LDB1: variants seen among roughly 807,000 people sequenced by gnomAD.
LDB1 encodes LIM domain binding 1.
A neutral mutation model predicts 49.7 loss-of-function variants in LDB1; 6 were observed. That is an observed-to-expected ratio of 0.12 (90% CI 0.07 to 0.24). The LOEUF is 0.24. Ranked by LOEUF, LDB1 falls within the 10% of genes least tolerant of loss-of-function variation. LDB1 has a pLI of 1.00. For synonymous variants in LDB1, 233 were observed against 202.0 expected (o/e 1.15, Z -1.30); for missense variants, 341 against 561.7 (o/e 0.61, Z 3.97).
At chr10:102,112,393 G>A (rs994649716) in intron 1 of LDB1, among the ~76,000 whole-genome samples, 2 of 152,154 alleles carry the variant, frequency 1.3e-5, no homozygotes, top group Non-Finnish European at 2.9e-5. Flanking sequence ...TCTACCATCT[G>A]ACCCCTCTAT....
intron 1 of LDB1, among the ~76,000 whole-genome samples, chr10:102,115,751 T>C (rs1047291530): frequency 2.0e-5 from 3 of 152,138 alleles, no homozygotes; most frequent in Non-Finnish European, 2.9e-5. Context: ...GTGTGGTTAG[T>C]GGATAGGACC....
chr10:102,102,131 G>A (rs532667100), downstream of LDB1, among the ~76,000 whole-genome samples: 2 of 152,224 alleles, frequency 1.3e-5, no homozygotes, highest in South Asian at 4.1e-4. Flanking sequence ...CACCATGTTG[G>A]CCAGGTGGGT....
rs1303271972 is a variant in LDB1 at position 102,117,895 on chromosome 10, G to A, written c.25+2191C>T. On this transcript the variant is annotated intron_variant, in intron 1 of 10. Coordinates refer to ENST00000673968, the MANE Select transcript of LDB1 (RefSeq NM_001113407.3). This position sits in a 1 kb window ranked among gnomAD's most constrained non-coding sequence, Gnocchi z 4.2. ...TCTTGTGGTGCTTCTGCGTGTGCAT[G>A]TGTGTGGGTCTGTGTGCGCTCTGGC... Among the ~76,000 whole-genome samples the A allele has an allele frequency of 1.3e-5, 2 of 152,176 alleles. No individual in the cohort carries two copies. Among genetic ancestry groups the A allele is most frequent in the African/African-American group, 2.4e-5 (1 of 41,434 alleles).
downstream of LDB1, among the ~76,000 whole-genome samples, chr10:102,104,293 A>G (rs1271944706): frequency 1.3e-5 from 2 of 152,170 alleles, no homozygotes; most frequent in Non-Finnish European, 2.9e-5. Flanking sequence ...GTACATGGTC[A>G]GACTATCCGA....
In LDB1 at chr10:102,117,097, A is replaced by G. The variant is rs79851135; in HGVS notation, c.25+2989T>C. ...GCCATTCCTACTCCCTTCCCCCTCC[A>G]GGCCTCAAATCACTGTCCTCATGGG... On this transcript the variant is annotated intron_variant, in intron 1 of 10. Coordinates refer to ENST00000673968, the MANE Select transcript of LDB1 (RefSeq NM_001113407.3). The surrounding 1 kb of genome is among the most constrained non-coding windows in gnomAD (Gnocchi z 4.2). Among the ~76,000 whole-genome samples, 1,167 of 152,144 alleles carry G rather than the reference A, an allele frequency of 7.7e-3. 20 individuals carry two copies. Among genetic ancestry groups the G allele is most frequent in the African/African-American group, 0.027 (1,113 of 41,502 alleles).
chr10:102,109,873 C>T lies in LDB1; in HGVS notation c.648+48G>A. 2 of 1,591,804 alleles carry T rather than the reference C, an allele frequency of 1.3e-6. No individual in the cohort carries two copies. The highest frequency in any genetic ancestry group is 1.7e-6 in the Non-Finnish European group (2 of 1,169,086). On this transcript the variant is annotated intron_variant, in intron 7 of 10. Transcript: ENST00000673968. This position sits in a 1 kb window ranked among gnomAD's most constrained non-coding sequence, Gnocchi z 5.8. The stretch of plus-strand genomic sequence containing the variant: ...AAATGGCAGACCTTGTTCCACCCTT[C>T]CCCCGCCTGCCTTCACTCTTGCATC...
chr10:102,111,528 A>G lies in LDB1; in HGVS notation c.34T>C (p.Ser12Pro). 7.8e-6 allele frequency: 12 copies of G among 1,530,610 alleles called. No homozygotes were observed. Among genetic ancestry groups the G allele is most frequent in the Non-Finnish European group, 1.1e-5 (12 of 1,140,020 alleles). The allele number at this position is 1,530,610 out of a possible 1,614,324, so 94.8% of individuals were successfully genotyped here. A position where few individuals can be genotyped will look rare whatever the true frequency, so the allele number is the denominator to read the frequency against. The change falls in exon 2 of 11, where the codon TCA (serine) becomes CCA (proline). Residue 12 changes from serine to proline, a missense_variant. Physicochemically the swap from Ser to Pro is moderately conservative, Grantham distance 74. Around this residue, in one of 5 missense-constraint regions of LDB1, gnomAD observed 7 missense variants for 24.9 expected, o/e 0.28. Coordinates refer to ENST00000673968, the MANE Select transcript of LDB1 (RefSeq NM_001113407.3). ...SVGCACPGCSSKSFKLYSPKE... is the reference protein window; with the variant it reads ...SVGCACPGCSPKSFKLYSPKE... ...GGCGAGTACAGCTTGAATGACTTTGAGGAACAACCTAGACGAGAAAGAAAG... is the reference window on the plus strand; with the variant it reads ...GGCGAGTACAGCTTGAATGACTTTGGGGAACAACCTAGACGAGAAAGAAAG...
At position 102,111,415 on chromosome 10, in the gene LDB1, G is replaced by A. The variant is rs781515605; in HGVS notation, c.128+19C>T. On this transcript the variant is annotated intron_variant, in intron 2 of 10. Coordinates refer to ENST00000673968, the MANE Select transcript of LDB1 (RefSeq NM_001113407.3). ...CCCACCTGGAGAAGGGTTAGGAAGTGGCCAAGAGACTCACTTACCCCACAT... is the reference window on the plus strand; with the variant it reads ...CCCACCTGGAGAAGGGTTAGGAAGTAGCCAAGAGACTCACTTACCCCACAT... 1 of 1,597,660 alleles carries A rather than the reference G, an allele frequency of 6.3e-7. No homozygotes were observed. Among genetic ancestry groups the A allele is most frequent in the South Asian group, 1.1e-5 (1 of 89,648 alleles).
chr10:102,114,947 TTTCTCTCC>T lies in LDB1; in HGVS notation c.26-3419_26-3412del, dbSNP rs535072330. 293 of 571,320 alleles carry T rather than the reference TTTCTCTCC, an allele frequency of 5.1e-4. 2 individuals are homozygous for T. The Admixed American group carries it at 0.016, about 32-fold the overall frequency. 35.4% of individuals were successfully genotyped at this position (571,320 alleles called of 1,614,324 possible). A position where few individuals can be genotyped will look rare whatever the true frequency, so the allele number is the denominator to read the frequency against. ...CCCGCCGGCTGCCTGCCTTTCTCCC[TTTCTCTCC>T]CTGCCTCCCTCCCTCCCCGCTCGCT... On this transcript the variant is annotated intron_variant, in intron 1 of 10. Coordinates refer to ENST00000673968, the MANE Select transcript of LDB1 (RefSeq NM_001113407.3).
Position 102,110,718 on chromosome 10 carries a change from A to C in LDB1, c.353-17T>G. On this transcript the variant is annotated splice_polypyrimidine_tract_variant and intron_variant, in intron 5 of 10. Transcript: ENST00000673968. ...GGCCAATGGCTGTAGAGATGGGACAAACTCTTCAGGACAAAGGGACCGCAA... is the reference window on the plus strand; with the variant it reads ...GGCCAATGGCTGTAGAGATGGGACACACTCTTCAGGACAAAGGGACCGCAA... 6.2e-7 allele frequency: 1 copy of C among 1,609,492 alleles called. No individual in the cohort carries two copies. Among genetic ancestry groups the C allele is most frequent in the South Asian group, 1.1e-5 (1 of 90,570 alleles).
chr10:102,113,777 A>C (rs892368055), intron 1 of LDB1, among the ~76,000 whole-genome samples: 3 of 151,896 alleles, frequency 2.0e-5, no homozygotes, highest in Non-Finnish European at 2.9e-5. Flanking sequence ...AAAAAAAAAA[A>C]ACTCTCAGAG....
chr10:102,108,814 A>G (rs576797378), intron 10 of LDB1, among the ~76,000 whole-genome samples: 1 of 152,260 alleles, frequency 6.6e-6, no homozygotes, highest in African/African-American at 2.4e-5. Flanking sequence ...CTGTCCCTTT[A>G]TGCCCTAGCT....
chr10:102,120,903 G>T (rs567658869), upstream of LDB1, among the ~76,000 whole-genome samples: 1 of 152,156 alleles, frequency 6.6e-6, no homozygotes, highest in African/African-American at 2.4e-5. Context: ...CCCCCTGTCC[G>T]TGCTCCCTGC....
chr10:102,105,438 G>A (rs752872091), downstream of LDB1, among the ~76,000 whole-genome samples: 23 of 152,128 alleles, frequency 1.5e-4, no homozygotes, highest in Admixed American at 5.9e-4. Flanking sequence ...CCAGTCTATC[G>A]GGCTTTATTT....
chr10:102,108,040 CTG>C lies in LDB1; in HGVS notation c.*51_*52del. ...TCATTCTGTCTTCTGCTCCCTGGGG[CTG>C]TGAGGGGTGGGGCAGGTAGGCAGAG... On this transcript the variant is annotated 3_prime_UTR_variant, in exon 11 of 11. Coordinates refer to ENST00000673968, the MANE Select transcript of LDB1 (RefSeq NM_001113407.3). 1 of 1,336,098 alleles carries C rather than the reference CTG, an allele frequency of 7.5e-7. No homozygotes were observed. The highest frequency in any genetic ancestry group is 1.1e-6 in the Non-Finnish European group (1 of 932,090). The allele number at this position is 1,336,098 out of a possible 1,614,324, so 82.8% of individuals were successfully genotyped here.
In LDB1 at chr10:102,107,770, T is replaced by G; in HGVS notation, c.*323A>C. The G allele has an allele frequency of 2.5e-6, 1 of 397,024 alleles. No individual in the cohort carries two copies. Among genetic ancestry groups the G allele is most frequent in the South Asian group, 2.7e-5 (1 of 36,876 alleles). 24.6% of individuals were successfully genotyped at this position (397,024 alleles called of 1,614,324 possible). A position where few individuals can be genotyped will look rare whatever the true frequency, so the allele number is the denominator to read the frequency against. On this transcript the variant is annotated 3_prime_UTR_variant, in exon 11 of 11. Transcript: ENST00000673968. ...CTTGAAAGGGGTAAAGTCAGGGGGA[T>G]GGGAAACCCACAATCTGGGGTGAAG...
chr10:102,115,731 A>G (rs2068327836), intron 1 of LDB1, among the ~76,000 whole-genome samples: 1 of 150,966 alleles, frequency 6.6e-6, no homozygotes, highest in Non-Finnish European at 1.5e-5. Flanking sequence ...ACCACCCCAG[A>G]AAAAAAAACG....
At chr10:102,120,015 CA>C in intron 1 of LDB1, 70 bp downstream of exon 1, 2 of 1,267,782 alleles carry the variant, frequency 1.6e-6, no homozygotes, top group Non-Finnish European at 2.1e-6. Context: ...AAGTTCTCGC[CA>C]AACACGGGGT....
Position 102,106,581 on chromosome 10 carries a change from A to C in LDB1, c.*1512T>G, listed in dbSNP as rs1327768424. On this transcript the variant is annotated 3_prime_UTR_variant, in exon 11 of 11. Transcript: ENST00000673968. ...AAAAAAAAAAAAAAAAAAAAAAAAA[A>C]AAAGGCATTACAGTTGGGATGGGAT... 7.8e-6 allele frequency among the ~76,000 whole-genome samples: 1 copy of C among 128,034 alleles called. No homozygotes were observed. Among genetic ancestry groups the C allele is most frequent in the African/African-American group, 3.1e-5 (1 of 32,656 alleles). The allele number at this position is 128,034 out of a possible 152,430, so 84.0% of individuals were successfully genotyped here. A position where few individuals can be genotyped will look rare whatever the true frequency, so the allele number is the denominator to read the frequency against.
Sources: gnomAD v4.1 joint callset for allele counts (sites outside exome capture counted in the v4.1 genomes callset) on GRCh38, gnomAD v4.1.1 for gene constraint, gnomAD v4.1.1 regional missense constraint, Gnocchi (gnomAD v3.1) non-coding constraint, MANE v1.5 for transcripts, NCBI Gene and HGNC (gene_info 2026-07-23, HGNC 2026-07-21) for gene names.